Variants in MAML3 observed in about 807,000 individuals in gnomAD.
MAML3 encodes the protein mastermind like transcriptional coactivator 3, also known as mastermind-like protein 3.
Under a neutral mutation model 101.9 loss-of-function variants are expected in MAML3, and 27 were observed. The observed-to-expected ratio is 0.27, with a 90% CI of 0.20 to 0.37. The LOEUF is 0.37. MAML3 is among the 10% of genes least tolerant of loss of function. The probability of loss-of-function intolerance (pLI) is 1.00; values close to 1 mark genes in which losing one functional copy is unlikely to be tolerated. For synonymous variants in MAML3, 501 were observed against 555.9 expected (o/e 0.90, Z 1.39); for missense variants, 1,316 against 1,444.9 (o/e 0.91, Z 1.45).
At chr4:140,057,874 G>A (rs1203570420) in intron 1 of MAML3, among the ~76,000 whole-genome samples, 1 of 151,790 alleles carries the variant, frequency 6.6e-6, no homozygotes, top group Non-Finnish European at 1.5e-5. Context: ...ATACATGGTT[G>A]GCTTATGGAG....
At chr4:140,137,952 T>C (rs1324456556) in intron 1 of MAML3, among the ~76,000 whole-genome samples, 2 of 152,244 alleles carry the variant, frequency 1.3e-5, no homozygotes, top group Non-Finnish European at 2.9e-5. Flanking sequence ...TTGAAACTAC[T>C]GTTACATCTT....
chr4:139,962,753 C>T (rs1447313768), intron 1 of MAML3, among the ~76,000 whole-genome samples: 1 of 152,160 alleles, frequency 6.6e-6, no homozygotes, highest in Non-Finnish European at 1.5e-5. Flanking sequence ...GAGAGAGAGG[C>T]TGTTGAAAGT....
chr4:139,738,198 G>C (rs1203982402), intron 2 of MAML3, among the ~76,000 whole-genome samples: 1 of 152,240 alleles, frequency 6.6e-6, no homozygotes, highest in Non-Finnish European at 1.5e-5. Flanking sequence ...GGTGAGGGAA[G>C]TGCTGTGTTT....
At chr4:139,902,307 A>G (rs1732743183) in intron 1 of MAML3, among the ~76,000 whole-genome samples, 1 of 152,126 alleles carries the variant, frequency 6.6e-6, no homozygotes, top group Admixed American at 6.5e-5. Flanking sequence ...ATGAGCGAGC[A>G]AACAGGACAT....
At chr4:140,053,620 T>G (rs986013537) in intron 1 of MAML3, among the ~76,000 whole-genome samples, 1 of 152,200 alleles carries the variant, frequency 6.6e-6, no homozygotes. Flanking sequence ...TTTAAAATTT[T>G]TGACTGAATA....
At position 140,152,944 on chromosome 4, in the gene MAML3, G is replaced by T. The variant is rs1310764907; in HGVS notation, c.384C>A (p.Gly128=). 1.2e-6 allele frequency: 2 copies of T among 1,611,758 alleles called. No homozygotes were observed. The highest frequency in any genetic ancestry group is 2.2e-5 in the East Asian group (1 of 44,822). Reference sequence around the variant, plus strand: ...TGCTCGGGTGCTGCTGTTTGCCGGTGCCGGCGCCCGATTTCTTGGCCCTCT... The same window carrying T: ...TGCTCGGGTGCTGCTGTTTGCCGGTTCCGGCGCCCGATTTCTTGGCCCTCT... The part of the protein sequence containing the change: ...LEQRAKKSGA[G]TGKQQHPSKP... The change falls in exon 1 of 5, where the codon GGC becomes GGA. Residue 128 remains glycine (G), a synonymous_variant. Transcript: ENST00000509479.
At chr4:139,723,424 C>T (rs1728337574) in intron 4 of MAML3, among the ~76,000 whole-genome samples, 1 of 152,168 alleles carries the variant, frequency 6.6e-6, no homozygotes, top group Admixed American at 6.5e-5. Context: ...AATTCTCCTG[C>T]CCCAGCCTCC....
intron 1 of MAML3, among the ~76,000 whole-genome samples, chr4:140,108,577 A>G (rs554708251): frequency 3.4e-5 from 5 of 148,524 alleles, no homozygotes; most frequent in Non-Finnish European, 7.4e-5. Flanking sequence ...AGATTTAATG[A>G]CCTAGCACAT....
At chr4:140,008,898 C>T (rs1726501305) in intron 1 of MAML3, among the ~76,000 whole-genome samples, 1 of 152,130 alleles carries the variant, frequency 6.6e-6, no homozygotes, top group South Asian at 2.1e-4. Context: ...AAACTCTTTA[C>T]CAATTAATCT....
At chr4:139,952,214 C>A (rs969676030) in intron 1 of MAML3, among the ~76,000 whole-genome samples, 1 of 152,118 alleles carries the variant, frequency 6.6e-6, no homozygotes, top group Admixed American at 6.5e-5. Flanking sequence ...CACTATAATG[C>A]TTTATAGGCA....
At chr4:139,860,260 C>G (rs1332564446) in intron 2 of MAML3, among the ~76,000 whole-genome samples, 1 of 152,228 alleles carries the variant, frequency 6.6e-6, no homozygotes, top group East Asian at 1.9e-4. Context: ...GCTTGGCTTC[C>G]CACCGCGCCC....
chr4:139,914,644 C>G (rs1466033498), intron 1 of MAML3, among the ~76,000 whole-genome samples: 2 of 152,096 alleles, frequency 1.3e-5, no homozygotes, highest in Admixed American at 1.3e-4. Context: ...ATGTACCAAA[C>G]CCGACCACAA....
At chr4:140,142,613 A>G (rs541431038) in intron 1 of MAML3, among the ~76,000 whole-genome samples, 2 of 152,200 alleles carry the variant, frequency 1.3e-5, no homozygotes, top group Non-Finnish European at 2.9e-5. Context: ...CTGGATCCTA[A>G]TAACTGTCAA....
intron 1 of MAML3, among the ~76,000 whole-genome samples, chr4:140,107,808 A>C (rs1578688398): frequency 6.6e-6 from 1 of 152,054 alleles, no homozygotes; most frequent in African/African-American, 2.4e-5. Context: ...CCCGACCAAA[A>C]AAATGCTTCT....
rs573568293 is a variant in MAML3 at position 140,090,849 on chromosome 4, G to C, written c.468+62011C>G. ...GCAGATAACTTAAGGTTGCAAGTTT[G>C]AGACCAGCCTGGCAAACATGGTGAA... On this transcript the variant is annotated intron_variant, in intron 1 of 4. Coordinates refer to ENST00000509479, the MANE Select transcript of MAML3 (RefSeq NM_018717.5). Among the ~76,000 whole-genome samples the C allele has an allele frequency of 1.4e-3, 215 of 152,270 alleles. 1 individual carries two copies. Among genetic ancestry groups the C allele is most frequent in the Admixed American group, 4.2e-3 (64 of 15,290 alleles).
intron 2 of MAML3, among the ~76,000 whole-genome samples, chr4:139,825,830 A>G (rs918924078): frequency 1.3e-5 from 2 of 151,982 alleles, no homozygotes. Context: ...TCAAACAAGC[A>G]CTGGCAATGA....
chr4:139,918,579 A>G (rs904292078), intron 1 of MAML3, among the ~76,000 whole-genome samples: 3 of 152,122 alleles, frequency 2.0e-5, no homozygotes, highest in African/African-American at 7.2e-5. Flanking sequence ...CACACCACTG[A>G]TCACAATTTA....
At chr4:139,757,232 C>T (rs1230338869) in intron 2 of MAML3, among the ~76,000 whole-genome samples, 1 of 152,168 alleles carries the variant, frequency 6.6e-6, no homozygotes, top group East Asian at 1.9e-4. Flanking sequence ...TCCCTTGGAG[C>T]TCTCTGCTAC....
chr4:140,134,127 T>A lies in MAML3; in HGVS notation c.468+18733A>T, dbSNP rs961223285. 1.1e-5 allele frequency: 5 copies of A among 456,482 alleles called. 1 individual carries two copies. Among genetic ancestry groups the A allele is most frequent in the East Asian group, 6.9e-5 (1 of 14,406 alleles). 28.3% of individuals were successfully genotyped at this position (456,482 alleles called of 1,614,324 possible). On this transcript the variant is annotated intron_variant, in intron 1 of 4. Transcript: ENST00000509479. ...TCCACAGTGCTCAGGGCAAGAAGAG[T>A]CAACTGCAGGTCTTTTGTGGCTCAT...
Sources: gnomAD v4.1 joint callset for allele counts (sites outside exome capture counted in the v4.1 genomes callset) on GRCh38, gnomAD v4.1.1 for gene constraint, MANE v1.5 for transcripts, NCBI Gene and HGNC (gene_info 2026-07-23, HGNC 2026-07-21) for gene names.